Variants in GLIS3 observed in about 807,000 individuals in gnomAD.
GLIS3 encodes zinc finger protein GLIS3.
A neutral mutation model predicts 78.6 loss-of-function variants in GLIS3; 53 were observed. The ratio of observed to expected loss-of-function variants is 0.67; its 90% CI spans 0.54 to 0.85. The LOEUF is 0.85. Among genes scored for constraint, GLIS3 ranks in the 40% least tolerant of loss-of-function variants. The probability of loss-of-function intolerance (pLI) is 0.00; values close to 1 mark genes in which losing one functional copy is unlikely to be tolerated. For synonymous variants in GLIS3, 684 were observed against 509.9 expected (o/e 1.34, Z -4.60); for missense variants, 1,703 against 1,231.1 (o/e 1.38, Z -5.74).
chr9:4,068,892 T>C (rs747028799), intron 4 of GLIS3, among the ~76,000 whole-genome samples: 2 of 151,810 alleles, frequency 1.3e-5, no homozygotes, highest in Non-Finnish European at 2.9e-5. Context: ...CAATGCACAC[T>C]TGGGCAATAA....
chr9:4,445,545 G>C, the GLIS3 span, among the ~76,000 whole-genome samples: 1 of 152,072 alleles, frequency 6.6e-6, no homozygotes, highest in Non-Finnish European at 1.5e-5. Context: ...GAGGGAGGAG[G>C]ATTCCTTGAG....
chr9:4,033,449 G>T (rs751422193), intron 4 of GLIS3, among the ~76,000 whole-genome samples: 5 of 152,098 alleles, frequency 3.3e-5, no homozygotes, highest in Admixed American at 6.5e-5. Context: ...GGTCTAGAAG[G>T]AGGAAGCACA....
chr9:4,234,741 A>T (rs754847049), intron 2 of GLIS3, among the ~76,000 whole-genome samples: 27 of 152,246 alleles, frequency 1.8e-4, no homozygotes, highest in Admixed American at 1.1e-3. Context: ...TGCAAAGTGC[A>T]ATAAACTGAA....
chr9:4,255,340 T>TC (rs966005190), intron 2 of GLIS3, among the ~76,000 whole-genome samples: 2 of 152,260 alleles, frequency 1.3e-5, no homozygotes. Context: ...TTACCATATG[T>TC]CCCAGTGACT....
At chr9:3,922,410 A>G (rs1470276562) in intron 6 of GLIS3, among the ~76,000 whole-genome samples, 1 of 152,246 alleles carries the variant, frequency 6.6e-6, no homozygotes. Flanking sequence ...GACAAGACTT[A>G]CAATCAATGG....
At chr9:4,089,921 GTATT>G (rs1483070436) in intron 4 of GLIS3, among the ~76,000 whole-genome samples, 2 of 152,212 alleles carry the variant, frequency 1.3e-5, no homozygotes, top group Non-Finnish European at 2.9e-5. Flanking sequence ...ATAAAGAGGA[GTATT>G]TATTTTTGTT....
chr9:4,021,427 C>T (rs1005042542), intron 4 of GLIS3, among the ~76,000 whole-genome samples: 8 of 152,090 alleles, frequency 5.3e-5, no homozygotes, highest in Non-Finnish European at 1.5e-5. Context: ...AAGTTAATGC[C>T]ACCATCAGGT....
At chr9:4,283,665 G>A (rs533593083) in intron 2 of GLIS3, among the ~76,000 whole-genome samples, 60 of 152,242 alleles carry the variant, frequency 3.9e-4, no homozygotes, top group African/African-American at 1.4e-3. Context: ...CCAGAACAGT[G>A]GCTCACCCAT....
chr9:4,119,121 G>C (rs1831990584), intron 3 of GLIS3, among the ~76,000 whole-genome samples: 2 of 152,066 alleles, frequency 1.3e-5, no homozygotes, highest in African/African-American at 4.8e-5. Context: ...TGTAACAAAA[G>C]ATCTATTGTT....
At chr9:4,418,469 C>G in the GLIS3 span, among the ~76,000 whole-genome samples, 2 of 152,104 alleles carry the variant, frequency 1.3e-5, no homozygotes, top group Admixed American at 6.6e-5. Context: ...AAGACTAGAA[C>G]AGAAATAAAA....
At chr9:3,961,999 G>A (rs527975883) in intron 4 of GLIS3, among the ~76,000 whole-genome samples, 1 of 152,224 alleles carries the variant, frequency 6.6e-6, no homozygotes, top group Non-Finnish European at 1.5e-5. Flanking sequence ...GGGGTCAGGA[G>A]TTTGAAAACA....
At chr9:4,369,680 G>C in the GLIS3 span, among the ~76,000 whole-genome samples, 14 of 152,236 alleles carry the variant, frequency 9.2e-5, no homozygotes, top group East Asian at 2.5e-3. Context: ...ATATAACAAT[G>C]GCGTGATGGT....
intron 4 of GLIS3, among the ~76,000 whole-genome samples, chr9:4,017,624 G>C (rs1255290194): frequency 6.6e-6 from 1 of 152,296 alleles, no homozygotes; most frequent in East Asian, 1.9e-4. Context: ...CGAGGGTTTA[G>C]ACACACAGTT....
Position 3,992,515 on chromosome 9 carries a change from G to A in GLIS3, c.1711-55326C>T, listed in dbSNP as rs1316813529. ...TACTAAAGCAAATCCTCAGCGTAAA[G>A]GAGGAGATGGTTGTTTATGAGATAG... On this transcript the variant is annotated intron_variant, in intron 4 of 10. Transcript: ENST00000381971. Among the ~76,000 whole-genome samples, 4 of 152,304 alleles carry A rather than the reference G, an allele frequency of 2.6e-5. No individual in the cohort carries two copies. The East Asian group carries it at 7.7e-4, about 29-fold the overall frequency.
chr9:4,177,956 T>C (rs1185597350), intron 2 of GLIS3, among the ~76,000 whole-genome samples: 2 of 152,224 alleles, frequency 1.3e-5, no homozygotes. Context: ...GAAATATTTC[T>C]TCCTTGATTC....
chr9:4,438,154 C>A, the GLIS3 span, among the ~76,000 whole-genome samples: 2 of 152,150 alleles, frequency 1.3e-5, no homozygotes, highest in African/African-American at 4.8e-5. Flanking sequence ...AAATAAATGG[C>A]TTCTTTTGAA....
In GLIS3 at chr9:3,824,633, T is replaced by C. The variant is rs1480161452; in HGVS notation, c.*3639A>G. On this transcript the variant is annotated 3_prime_UTR_variant, in exon 11 of 11. Transcript: ENST00000381971. Reference sequence around the variant, plus strand: ...CTATACATATTAATAGAAAAAAGTGTACCTAATTCTTTAAAAGATTTATGA... The same window carrying C: ...CTATACATATTAATAGAAAAAAGTGCACCTAATTCTTTAAAAGATTTATGA... The C allele has an allele frequency of 6.6e-6, 1 of 152,610 alleles. No homozygotes were observed. Among genetic ancestry groups the C allele is most frequent in the African/African-American group, 2.4e-5 (1 of 41,440 alleles). The allele number at this position is 152,610 out of a possible 1,614,324, so 9.5% of individuals were successfully genotyped here.
the GLIS3 span, among the ~76,000 whole-genome samples, chr9:4,370,647 T>C: frequency 6.6e-6 from 1 of 151,928 alleles, no homozygotes; most frequent in African/African-American, 2.4e-5. Flanking sequence ...TTAAACATGC[T>C]ATATTTAATA....
intron 4 of GLIS3, among the ~76,000 whole-genome samples, chr9:4,046,290 G>C (rs1003080933): frequency 6.6e-6 from 1 of 152,168 alleles, no homozygotes; most frequent in Non-Finnish European, 1.5e-5. Context: ...CCTATGTGAA[G>C]ACAGTAAAGG....
Sources: gnomAD v4.1 joint callset for allele counts (sites outside exome capture counted in the v4.1 genomes callset) on GRCh38, gnomAD v4.1.1 for gene constraint, MANE v1.5 for transcripts, NCBI Gene and HGNC (gene_info 2026-07-23, HGNC 2026-07-21) for gene names.